KAZN: variants seen among roughly 807,000 people sequenced by gnomAD.
KAZN encodes the protein kazrin, periplakin interacting protein.
A neutral mutation model predicts 87.4 loss-of-function variants in KAZN; 40 were observed. That is an observed-to-expected ratio of 0.46 (90% confidence interval 0.36 to 0.60). The LOEUF is 0.60. Ranked by LOEUF, KAZN falls within the 20% of genes least tolerant of loss-of-function variation. KAZN has a pLI of 0.00. For missense variants in KAZN, 898 were observed against 1,073.9 expected (o/e 0.84, Z 2.29); for synonymous variants, 466 against 458.3 (o/e 1.02, Z -0.22).
chr1:14,569,975 C>T (rs1674764104), intron 2 of KAZN, among the ~76,000 whole-genome samples: 1 of 151,824 alleles, frequency 6.6e-6, no homozygotes, highest in African/African-American at 2.4e-5. Context: ...TAACTGGGTG[C>T]GGTGGTGGGT....
intron 13 of KAZN, among the ~76,000 whole-genome samples, chr1:15,107,112 C>T (rs1021197844): frequency 2.6e-5 from 4 of 152,364 alleles, no homozygotes; most frequent in African/African-American, 7.2e-5. Context: ...CTTTCTGGAA[C>T]TGATCTCTCT....
chr1:14,947,522 T>G (rs1661969002), intron 1 of KAZN, among the ~76,000 whole-genome samples: 4 of 152,362 alleles, frequency 2.6e-5, no homozygotes, highest in Admixed American at 6.5e-5. Flanking sequence ...TGTGTCCACC[T>G]GTGAGACTAT....
intron 1 of KAZN, chr1:14,692,651 GCTGGGTGCAGTGC>G (rs1641385610): frequency 6.6e-6 from 1 of 152,500 alleles, no homozygotes; most frequent in African/African-American, 2.4e-5. Context: ...AGGAGCAGAG[GCTGGGTGCAGTGC>G]CTCACGCCTG....
In KAZN at chr1:14,100,140, C is replaced by T. The variant is rs74057025; in HGVS notation, c.92-80295C>T. Among the ~76,000 whole-genome samples the T allele has an allele frequency of 3.9e-3, 590 of 152,302 alleles. 2 individuals carry two copies. The highest frequency in any genetic ancestry group is 0.013 in the African/African-American group (561 of 41,560). On this transcript the variant is annotated intron_variant, in intron 1 of 16. Coordinates refer to the KAZN transcript ENST00000636203. ...TGCTAACAACCAGCCCCTCACTAGC[C>T]CAGGATATGGCACTGTTGTTTATCG...
chr1:14,176,578 C>G (rs534692261), intron 1 of KAZN, among the ~76,000 whole-genome samples: 2 of 152,104 alleles, frequency 1.3e-5, no homozygotes, highest in East Asian at 3.9e-4. Flanking sequence ...TCTTTCTAGT[C>G]CATCCTTCTC....
chr1:15,035,895 C>T (rs574080654), intron 3 of KAZN, among the ~76,000 whole-genome samples: 3 of 152,198 alleles, frequency 2.0e-5, no homozygotes, highest in African/African-American at 2.4e-5. Context: ...GTGTTCAGCT[C>T]GAGGCCCCTT....
intron 2 of KAZN, among the ~76,000 whole-genome samples, chr1:15,018,402 G>A (rs976808559): frequency 3.3e-5 from 5 of 151,996 alleles, no homozygotes; most frequent in Non-Finnish European, 5.9e-5. Context: ...GGCCCTGGCT[G>A]GGGGTTGGTG....
At chr1:14,505,891 T>C (rs1349400672) in intron 2 of KAZN, among the ~76,000 whole-genome samples, 2 of 152,064 alleles carry the variant, frequency 1.3e-5, no homozygotes, top group South Asian at 2.1e-4. Context: ...GGAGAATCGA[T>C]TGAACCCGGG....
chr1:14,379,499 G>A (rs1408695193), intron 2 of KAZN, among the ~76,000 whole-genome samples: 1 of 152,128 alleles, frequency 6.6e-6, no homozygotes, highest in Admixed American at 6.5e-5. Context: ...CCCTGGGGCA[G>A]AGGAGAGACC....
At chr1:14,360,286 C>T (rs1659394673) in intron 2 of KAZN, among the ~76,000 whole-genome samples, 1 of 152,132 alleles carries the variant, frequency 6.6e-6, no homozygotes, top group Non-Finnish European at 1.5e-5. Context: ...TTTTTCAGCT[C>T]CATCAGGTCA....
intron 1 of KAZN, among the ~76,000 whole-genome samples, chr1:14,874,841 G>A (rs1466021659): frequency 1.4e-4 from 22 of 152,040 alleles, no homozygotes; most frequent in Admixed American, 1.4e-3. Flanking sequence ...AGGAAAGGAA[G>A]AAAATGAGAG....
intron 2 of KAZN, among the ~76,000 whole-genome samples, chr1:14,321,179 A>C (rs1424380561): frequency 6.6e-6 from 1 of 152,184 alleles, no homozygotes; most frequent in Admixed American, 6.5e-5. Flanking sequence ...ATCGTGGCTT[A>C]CAAAATTTGG....
rs371573203 is a variant in KAZN at position 14,598,954 on chromosome 1, C to T, written c.-44C>T. 2.1e-5 allele frequency: 32 copies of T among 1,559,492 alleles called. No homozygotes were observed. In the African/African-American group the frequency reaches 3.5e-4, roughly 17 times the overall value. On this transcript the variant is annotated 5_prime_UTR_variant, in exon 1 of 15. It introduces an in-frame stop codon into an upstream open reading frame of the 5' UTR. Coordinates refer to ENST00000376030, the MANE Select transcript of KAZN (RefSeq NM_201628.3). This position sits in a 1 kb window ranked among gnomAD's most constrained non-coding sequence, Gnocchi z 4.2. ...GGCCGCGCGCCCCCCGCGCATCATG[C>T]AGCTCTTTGTCACCTCTCTCGCCCC...
At chr1:15,044,698 C>T (rs1673293902) in intron 4 of KAZN, among the ~76,000 whole-genome samples, 1 of 147,328 alleles carries the variant, frequency 6.8e-6, no homozygotes, top group Non-Finnish European at 1.5e-5. Flanking sequence ...CACTGCACCC[C>T]AGCCTGGGCG....
intron 2 of KAZN, among the ~76,000 whole-genome samples, chr1:14,392,288 A>G (rs1270593439): frequency 1.3e-5 from 2 of 152,208 alleles, no homozygotes; most frequent in African/African-American, 2.4e-5. Flanking sequence ...GGACATGTAC[A>G]TATATATTAC....
At chr1:14,317,868 C>T (rs1655767002) in intron 2 of KAZN, among the ~76,000 whole-genome samples, 2 of 151,944 alleles carry the variant, frequency 1.3e-5, no homozygotes, top group African/African-American at 2.4e-5. Flanking sequence ...CTATCCATGA[C>T]ATAAAGTGAG....
chr1:14,633,416 T>A (rs1426621930), intron 1 of KAZN, among the ~76,000 whole-genome samples: 1 of 152,064 alleles, frequency 6.6e-6, no homozygotes, highest in Non-Finnish European at 1.5e-5. Context: ...GTTAGAGAGA[T>A]GCCATTGCTA....
intron 8 of KAZN, among the ~76,000 whole-genome samples, chr1:15,091,192 T>C (rs1318264726): frequency 6.6e-6 from 1 of 152,160 alleles, no homozygotes; most frequent in East Asian, 1.9e-4. Context: ...TTCATGTTGA[T>C]CCATCTAGTA....
intron 1 of KAZN, among the ~76,000 whole-genome samples, chr1:13,997,107 A>T (rs146250331): frequency 1.8e-4 from 28 of 152,282 alleles, no homozygotes; most frequent in Non-Finnish European, 3.1e-4. Flanking sequence ...AAATTGCAGC[A>T]GCCCTACAGA....
Sources: allele counts gnomAD v4.1 joint callset (sites outside exome capture counted in the v4.1 genomes callset), GRCh38; gene constraint gnomAD v4.1.1; non-coding constraint Gnocchi (gnomAD v3.1); transcripts MANE v1.5; gene names NCBI Gene and HGNC (gene_info 2026-07-23, HGNC 2026-07-21).